The following C15orf39 variants were observed in gnomAD, a reference collection of about 807,000 sequenced individuals.
C15orf39 encodes the protein PRMT2 interacting protein, also known as uncharacterized protein C15orf39.
Under a neutral mutation model 53.9 loss-of-function variants are expected in C15orf39, and 24 were observed. The observed-to-expected ratio is 0.45, with a 90% CI of 0.32 to 0.63. C15orf39 has a LOEUF of 0.63. C15orf39 is among the 20% of genes least tolerant of loss of function. The probability of loss-of-function intolerance (pLI) is 0.04; values close to 1 mark genes in which losing one functional copy is unlikely to be tolerated. For missense variants in C15orf39, 1,271 were observed against 1,347.9 expected, an observed-to-expected ratio of 0.94 and a Z score of 0.89; for synonymous variants, 569 against 576.5, an observed-to-expected ratio of 0.99 and a Z score of 0.19.
Position 75,211,220 on chromosome 15 carries a change from C to G in C15orf39, c.*104C>G, listed in dbSNP as rs931023909. 76 of 1,451,180 alleles carry G rather than the reference C, an allele frequency of 5.2e-5. No homozygotes were observed. The South Asian group carries it at 1.0e-3, about 20-fold the overall frequency. 89.9% of individuals were successfully genotyped at this position (1,451,180 alleles called of 1,614,324 possible). The stretch of plus-strand genomic sequence containing the variant: ...AGTGGATGCTGGGGCTGTGGCTGCT[C>G]CCCTGGAGGGGTTCCATCTCTGACC... On this transcript the variant is annotated 3_prime_UTR_variant, in exon 3 of 3. Transcript: ENST00000394987.
rs2070438223 is a variant in C15orf39, at chr15:75,206,373, C to T, written c.325C>T (p.Pro109Ser). 1.9e-6 allele frequency: 3 copies of T among 1,614,076 alleles called. No individual in the cohort carries two copies. The South Asian group carries it at 3.3e-5, about 18-fold the overall frequency. Residue 109 changes from proline to serine, a missense_variant, in exon 2 of 3, where the codon CCT (proline) becomes TCT (serine). Physicochemically the swap from Pro to Ser is moderately conservative, Grantham distance 74 (BLOSUM62 -1). Around this residue, in one of 2 missense-constraint regions of C15orf39, gnomAD observed 994 missense variants for 993.7 expected, o/e 1.00. Coordinates refer to ENST00000394987, the MANE Select transcript of C15orf39 (RefSeq NM_015492.5). ...EGPEKMQDSS[P>S]VELLPFSPQA... ...CCCTGAGAAGATGCAGGACTCCAGC[C>T]CTGTTGAGCTCCTGCCCTTCAGTCC...
chr15:75,203,811 A>G (rs2070420663), intron 1 of C15orf39, among the ~76,000 whole-genome samples: 1 of 152,096 alleles, frequency 6.6e-6, no homozygotes, highest in Non-Finnish European at 1.5e-5. Context: ...GAGGATCCAC[A>G]CTTCAAAACC....
At chr15:75,208,853 C>T (rs769047406) in intron 2 of C15orf39, 29 bp downstream of exon 2, 63 of 1,560,678 alleles carry the variant, frequency 4.0e-5, no homozygotes, top group Non-Finnish European at 5.1e-5. Context: ...CAGTGGCCAC[C>T]GGAGCTGTGT....
chr15:75,206,071 G>A lies in C15orf39; in HGVS notation c.23G>A (p.Arg8Lys), dbSNP rs1374041619. 34 of 1,609,922 alleles carry A rather than the reference G, an allele frequency of 2.1e-5. No individual in the cohort carries two copies. The highest frequency in any genetic ancestry group is 2.7e-5 in the Non-Finnish European group (32 of 1,178,046). The change falls in exon 2 of 3, where the codon AGA becomes AAA. Residue 8 changes from arginine to lysine, a missense_variant. Arg to Lys is a conservative substitution (Grantham distance 26). This residue lies in a region of C15orf39 where 994 missense variants were observed against 993.7 expected (regional missense o/e 1.00). Transcript: ENST00000394987. Reference protein sequence around the residue: MAEKRPLRTLGPVMYGKL... With the variant: MAEKRPLKTLGPVMYGKL... ...GCGATGGCAGAGAAGCGACCCCTGA[G>A]AACCCTGGGGCCTGTGATGTATGGC...
chr15:75,203,782 T>TC (rs1353801832), intron 1 of C15orf39, among the ~76,000 whole-genome samples: 3 of 152,100 alleles, frequency 2.0e-5, no homozygotes, highest in Non-Finnish European at 2.9e-5. Context: ...ACCCAGAGTG[T>TC]CCCAAGGGTG....
intron 2 of C15orf39, chr15:75,209,252 C>T (rs1879911213): frequency 5.6e-6 from 1 of 178,090 alleles, no homozygotes; most frequent in Admixed American, 5.7e-5. Flanking sequence ...CATGCTGGGC[C>T]TCAGCCCCTG....
chr15:75,208,047 G>A lies in C15orf39; in HGVS notation c.1999G>A (p.Val667Ile), dbSNP rs1298070597. Reference protein sequence around the residue: ...LRPAPLPAAVVPSTPTSAPAP... With the variant: ...LRPAPLPAAVIPSTPTSAPAP... ...TCCGGCACCTTTGCCTGCAGCCGTG[G>A]TCCCGTCCACGCCCACCTCAGCTCC... is the stretch of plus-strand genomic sequence containing the variant. The change falls in exon 2 of 3, where the codon GTC (valine) becomes ATC (isoleucine). Residue 667 changes from valine (V) to isoleucine (I), a missense_variant. Val to Ile is a conservative substitution (Grantham distance 29). Coordinates refer to ENST00000394987, the MANE Select transcript of C15orf39 (RefSeq NM_015492.5). 2 of 1,613,962 alleles carry A rather than the reference G, an allele frequency of 1.2e-6. No individual in the cohort carries two copies. The highest frequency in any genetic ancestry group is 3.3e-5 in the Admixed American group (2 of 60,006).
upstream of C15orf39, chr15:75,201,778 T>A (rs2070402621): frequency 6.6e-6 from 1 of 151,972 alleles, no homozygotes; most frequent in Non-Finnish European, 1.5e-5. The surrounding 1 kb of genome is among the most constrained non-coding windows in gnomAD (Gnocchi z 4.7). Flanking sequence ...CCGCACCCGC[T>A]GCCCACAGGA....
upstream of C15orf39, among the ~76,000 whole-genome samples, chr15:75,199,967 G>A (rs143234106): frequency 4.6e-5 from 7 of 152,256 alleles, no homozygotes; most frequent in East Asian, 1.2e-3. Flanking sequence ...CTCCACAGAC[G>A]ACCATTGGTA....
At position 75,206,951 on chromosome 15, in the gene C15orf39, A is replaced by G. The variant is rs2070443888; in HGVS notation, c.903A>G (p.Ala301=). ...HPEKQGSYSP[A]LPLQPLGGHK... The stretch of plus-strand genomic sequence containing the variant: ...AGAAGCAGGGCAGCTACAGCCCAGC[A>G]CTCCCACTGCAGCCTCTGGGGGGCC... Residue 301 remains alanine (A), a synonymous_variant, in exon 2 of 3, where the codon GCA becomes GCG. Transcript: ENST00000394987. 1 of 1,556,384 alleles carries G rather than the reference A, an allele frequency of 6.4e-7. No individual in the cohort carries two copies. Among genetic ancestry groups the G allele is most frequent in the South Asian group, 1.2e-5 (1 of 82,060 alleles).
chr15:75,198,919 A>G (rs2141591518), upstream of C15orf39: 1 of 152,312 alleles, frequency 6.6e-6, no homozygotes, highest in East Asian at 1.9e-4. Context: ...CAGCAAAAGG[A>G]GGGATTGCAA....
chr15:75,207,905 A>G lies in C15orf39; in HGVS notation c.1857A>G (p.Lys619=), dbSNP rs1184515712. ...TGGTGTCAGATCTGCCAGGCCTGAA[A>G]AAGATAGACACAGAAGCACCAGGCT... is the stretch of plus-strand genomic sequence containing the variant. ...GNMVSDLPGL[K]KIDTEAPGLP... The change falls in exon 2 of 3, where the codon AAA becomes AAG. Residue 619 remains lysine (K), a synonymous_variant. Coordinates refer to ENST00000394987, the MANE Select transcript of C15orf39 (RefSeq NM_015492.5). The G allele has an allele frequency of 6.2e-7, 1 of 1,613,576 alleles. No homozygotes were observed. The highest frequency in any genetic ancestry group is 8.5e-7 in the Non-Finnish European group (1 of 1,180,032).
At position 75,211,382 on chromosome 15, in the gene C15orf39, C is replaced by T. The variant is rs907901891; in HGVS notation, c.*266C>T. On this transcript the variant is annotated 3_prime_UTR_variant, in exon 3 of 3. Transcript: ENST00000394987. ...GCCCGACAGACCTGGGCTTGAATCC[C>T]GGCTCGTGTTCTTGCTGCAGGACCT... is the stretch of plus-strand genomic sequence containing the variant. 2.0e-5 allele frequency: 8 copies of T among 405,420 alleles called. No homozygotes were observed. Among genetic ancestry groups the T allele is most frequent in the African/African-American group, 1.0e-4 (5 of 49,240 alleles). The allele number at this position is 405,420 out of a possible 1,614,324, so 25.1% of individuals were successfully genotyped here. A position where few individuals can be genotyped will look rare whatever the true frequency, so the allele number is the denominator to read the frequency against.
Position 75,207,473 on chromosome 15 carries a change from ACTGCCCCCCTGTGCC to A in C15orf39, c.1427_1441del (p.Leu476_Ala480del), listed in dbSNP as rs2070449270. 6.2e-7 allele frequency: 1 copy of A among 1,612,018 alleles called. No individual in the cohort carries two copies. The highest frequency in any genetic ancestry group is 1.3e-5 in the African/African-American group (1 of 74,540). ...GTCCAGTTCCCTGTACCCCCCCAGC[ACTGCCCCCCTGTGCC>A]CGGGAGTGCCAGTCTCTTCCACAGA... On this transcript the variant is annotated inframe_deletion, in exon 2 of 3. Transcript: ENST00000394987.
chr15:75,203,575 C>G (rs1277219029), intron 1 of C15orf39, among the ~76,000 whole-genome samples: 1 of 152,222 alleles, frequency 6.6e-6, no homozygotes, highest in African/African-American at 2.4e-5. Flanking sequence ...GCCGCCACCC[C>G]TCCCACAAAG....
At chr15:75,201,236 C>T (rs1292404666), upstream of C15orf39, among the ~76,000 whole-genome samples, 1 of 152,184 alleles carries the variant, frequency 6.6e-6, no homozygotes, top group East Asian at 1.9e-4. This position sits in a 1 kb window ranked among gnomAD's most constrained non-coding sequence, Gnocchi z 4.7. Flanking sequence ...CCACTCCACC[C>T]GCCTCACAGG....
chr15:75,201,612 G>T (rs182838071), upstream of C15orf39, among the ~76,000 whole-genome samples: 2 of 152,380 alleles, frequency 1.3e-5, no homozygotes, highest in Admixed American at 6.5e-5. This position sits in a 1 kb window ranked among gnomAD's most constrained non-coding sequence, Gnocchi z 4.7. Flanking sequence ...CAGGCGCAAG[G>T]TCACATCGCA....
intron 1 of C15orf39, among the ~76,000 whole-genome samples, chr15:75,205,053 C>T (rs573885140): frequency 6.6e-6 from 1 of 152,220 alleles, no homozygotes; most frequent in Non-Finnish European, 1.5e-5. Context: ...TCCTAGGGGA[C>T]TGCTCTCCAG....
intron 1 of C15orf39, among the ~76,000 whole-genome samples, chr15:75,202,776 G>A (rs1376495088): frequency 2.6e-5 from 4 of 152,360 alleles, no homozygotes; most frequent in Admixed American, 1.3e-4. Flanking sequence ...ATGCACGTAC[G>A]TGCAGGCACG....
Sources: gnomAD v4.1 joint callset for allele counts (sites outside exome capture counted in the v4.1 genomes callset) on GRCh38, gnomAD v4.1.1 for gene constraint, gnomAD v4.1.1 regional missense constraint, Gnocchi (gnomAD v3.1) non-coding constraint, MANE v1.5 for transcripts, NCBI Gene and HGNC (gene_info 2026-07-23, HGNC 2026-07-21) for gene names.